The following APP variants were observed in gnomAD, a reference collection of about 807,000 sequenced individuals.
The protein encoded by APP is amyloid beta precursor protein.
APP carries 31 observed loss-of-function variants against 101.4 expected under a neutral mutation model. That is an observed-to-expected ratio of 0.31 (90% CI 0.23 to 0.41). APP has a LOEUF of 0.41. Ranked by LOEUF, APP falls within the 10% of genes least tolerant of loss-of-function variation. The pLI, the probability that APP is intolerant of heterozygous loss-of-function variation, is 1.00. For synonymous variants in APP, 366 were observed against 364.4 expected (o/e 1.00, Z -0.05); for missense variants, 839 against 1,003.7 (o/e 0.84, Z 2.22).
chr21:25,992,148 C>T (rs556221589), intron 8 of APP, among the ~76,000 whole-genome samples: 7 of 152,160 alleles, frequency 4.6e-5, no homozygotes, highest in Non-Finnish European at 8.8e-5. Context: ...TTCGGGAGGC[C>T]GAAGCTGGTG....
chr21:25,998,708 T>C (rs952326747), intron 7 of APP, among the ~76,000 whole-genome samples: 36 of 152,098 alleles, frequency 2.4e-4, no homozygotes, highest in African/African-American at 7.3e-4. Context: ...TACACAGTTA[T>C]TGAGTTTCAT....
intron 1 of APP, among the ~76,000 whole-genome samples, chr21:26,168,957 G>C (rs1421757839): frequency 6.6e-6 from 1 of 152,172 alleles, no homozygotes; most frequent in Admixed American, 6.5e-5. Context: ...GAAAACATCT[G>C]CCCGGAAATT....
In APP at chr21:25,885,192, A is replaced by G. The variant is rs117413319; in HGVS notation, c.2212-3421T>C. On this transcript the variant is annotated intron_variant, in intron 17 of 17. Transcript: ENST00000346798. ...GATCTTTAATCTCCAGCCCCTTGAA[A>G]GCTAGATGCGAAAATCTGAGTACTC... is the stretch of plus-strand genomic sequence containing the variant. 1.0e-3 allele frequency among the ~76,000 whole-genome samples: 158 copies of G among 152,326 alleles called. 3 individuals carry two copies. In the East Asian group the frequency reaches 0.023, roughly 22 times the overall value.
chr21:26,079,055 A>AAG (rs1226522112), intron 3 of APP, among the ~76,000 whole-genome samples: 1 of 151,806 alleles, frequency 6.6e-6, no homozygotes, highest in Non-Finnish European at 1.5e-5. Flanking sequence ...AAAAAAAAAA[A>AAG]AAAAAAATCA....
intron 14 of APP, among the ~76,000 whole-genome samples, chr21:25,910,980 T>A (rs2039043156): frequency 6.6e-6 from 1 of 152,318 alleles, no homozygotes; most frequent in East Asian, 1.9e-4. Context: ...TATTTCACTA[T>A]CTATCTGCTT....
Position 26,093,887 on chromosome 21 carries a change from G to A in APP, c.226-3815C>T, listed in dbSNP as rs571519765. On this transcript the variant is annotated intron_variant, in intron 2 of 17. Transcript: ENST00000346798. ...TCCCAGCACTTTGGGAGGCCGAGGC[G>A]GGCGGCTCACGAGGTCAAGAGATCA... 3.5e-4 allele frequency among the ~76,000 whole-genome samples: 54 copies of A among 152,192 alleles called. No homozygotes were observed. The South Asian group carries it at 6.9e-3, about 19-fold the overall frequency.
At chr21:25,885,857 C>T (rs893245232) in intron 17 of APP, among the ~76,000 whole-genome samples, 2 of 152,182 alleles carry the variant, frequency 1.3e-5, no homozygotes. Flanking sequence ...TAATTTAGAG[C>T]TCAGCTATCC....
chr21:26,045,851 C>T (rs887077395), intron 5 of APP, among the ~76,000 whole-genome samples: 6 of 152,034 alleles, frequency 3.9e-5, no homozygotes, highest in Non-Finnish European at 5.9e-5. Flanking sequence ...TGCATGTTGC[C>T]GATAAAGGCA....
intron 7 of APP, 102 bp from the exon 8 acceptor site, chr21:25,997,518 A>C: frequency 2.0e-6 from 2 of 1,022,060 alleles, no homozygotes; most frequent in East Asian, 4.8e-5. Context: ...CCTAACAAAC[A>C]AAATCACTCA....
intron 5 of APP, among the ~76,000 whole-genome samples, chr21:26,038,208 T>C (rs2045208227): frequency 6.6e-6 from 1 of 152,126 alleles, no homozygotes; most frequent in Non-Finnish European, 1.5e-5. Context: ...ATAAGAATTA[T>C]CATTACTTGA....
intron 3 of APP, among the ~76,000 whole-genome samples, chr21:26,055,152 C>G (rs1016841289): frequency 8.5e-5 from 13 of 152,056 alleles, no homozygotes; most frequent in Non-Finnish European, 7.4e-5. Flanking sequence ...CATGGTACCC[C>G]AAAGGCTGCA....
At chr21:25,938,554 A>G (rs1173612734) in intron 13 of APP, among the ~76,000 whole-genome samples, 1 of 152,216 alleles carries the variant, frequency 6.6e-6, no homozygotes, top group Non-Finnish European at 1.5e-5. Context: ...GAATGTTTAA[A>G]GGATCACCTG....
chr21:25,905,136 G>A (rs957657523), intron 14 of APP, 59 bp from the exon 15 acceptor site: 17 of 1,441,824 alleles, frequency 1.2e-5, no homozygotes, highest in African/African-American at 1.1e-4. Context: ...ATGGTAAGTC[G>A]TGGCTCCCAA....
intron 8 of APP, 114 bp downstream of exon 8, chr21:25,997,246 G>C (rs2043090024): frequency 2.0e-6 from 2 of 1,020,408 alleles, no homozygotes; most frequent in Non-Finnish European, 3.1e-6. Context: ...ATTTTACTAA[G>C]ACAGGTGTTC....
intron 11 of APP, among the ~76,000 whole-genome samples, chr21:25,960,818 T>A (rs2041548600): frequency 6.6e-6 from 1 of 152,154 alleles, no homozygotes; most frequent in East Asian, 1.9e-4. Context: ...TTAGGATATC[T>A]CCCAATAAAT....
intron 8 of APP, 54 bp from the exon 9 acceptor site, chr21:25,982,531 T>C: frequency 6.4e-7 from 1 of 1,557,376 alleles, no homozygotes; most frequent in Non-Finnish European, 8.8e-7. Flanking sequence ...AACAACAGAA[T>C]AATCCACTCG....
intron 13 of APP, among the ~76,000 whole-genome samples, chr21:25,916,838 T>G (rs889768766): frequency 1.3e-5 from 2 of 152,220 alleles, no homozygotes; most frequent in Non-Finnish European, 2.9e-5. Context: ...ATTTGAACCT[T>G]GTAGTTAACA....
chr21:26,091,498 T>A (rs2061825258), intron 2 of APP, among the ~76,000 whole-genome samples: 1 of 152,296 alleles, frequency 6.6e-6, no homozygotes, highest in East Asian at 1.9e-4. Flanking sequence ...ATGAGAATCA[T>A]GAACTGACAA....
chr21:26,075,924 G>A (rs928745994), intron 3 of APP, among the ~76,000 whole-genome samples: 4 of 151,860 alleles, frequency 2.6e-5, no homozygotes, highest in East Asian at 1.9e-4. Flanking sequence ...ACGGAGTTTC[G>A]CTCTTGTCAT....
Sources: allele counts gnomAD v4.1 joint callset (sites outside exome capture counted in the v4.1 genomes callset), GRCh38; gene constraint gnomAD v4.1.1; transcripts MANE v1.5; gene names NCBI Gene and HGNC (gene_info 2026-07-23, HGNC 2026-07-21).